ABLIM2: variants seen among roughly 807,000 people sequenced by gnomAD.
The protein encoded by ABLIM2 is actin-binding LIM protein 2.
ABLIM2 carries 53 observed loss-of-function variants against 97.7 expected under a neutral mutation model. The ratio of observed to expected loss-of-function variants is 0.54; its 90% CI spans 0.44 to 0.68. The LOEUF is 0.68. ABLIM2 is among the 30% of genes least tolerant of loss of function. The probability of loss-of-function intolerance (pLI) is 0.00; values close to 1 mark genes in which losing one functional copy is unlikely to be tolerated. For synonymous variants in ABLIM2, 361 were observed against 345.8 expected, an observed-to-expected ratio of 1.04 and a Z score of -0.49; for missense variants, 835 against 867.2, an observed-to-expected ratio of 0.96 and a Z score of 0.47.
chr4:8,109,677 C>T (rs1839346625), intron 1 of ABLIM2, among the ~76,000 whole-genome samples: 1 of 152,182 alleles, frequency 6.6e-6, no homozygotes, highest in Non-Finnish European at 1.5e-5. Flanking sequence ...GCCAGGGGTT[C>T]CAAACAGACC....
chr4:8,055,636 C>G (rs7441590), intron 7 of ABLIM2, among the ~76,000 whole-genome samples: 110,627 of 152,092 alleles, frequency 0.73, 40,882 homozygotes, highest in East Asian at 0.99. Context: ...AGTGTGTGTG[C>G]AATGAGGGAA....
intron 1 of ABLIM2, among the ~76,000 whole-genome samples, chr4:8,108,831 T>A (rs998405553): frequency 6.6e-6 from 1 of 152,210 alleles, no homozygotes; most frequent in Non-Finnish European, 1.5e-5. Flanking sequence ...TGTCCTCACG[T>A]CTTCCTTTAT....
chr4:8,050,390 C>A (rs1795200953), intron 8 of ABLIM2, among the ~76,000 whole-genome samples: 1 of 152,210 alleles, frequency 6.6e-6, no homozygotes, highest in South Asian at 2.1e-4. Flanking sequence ...CTCCCTCCTC[C>A]CTACTGCAAC....
chr4:8,059,747 C>CA (rs996674398), intron 7 of ABLIM2, among the ~76,000 whole-genome samples: 55 of 150,540 alleles, frequency 3.7e-4, no homozygotes, highest in East Asian at 1.4e-3. Flanking sequence ...ACTAAAAATA[C>CA]AAAAAAAAAT....
Position 8,077,554 on chromosome 4 carries a change from T to A in ABLIM2, c.675+74A>T, listed in dbSNP as rs940386322. 8.1e-6 allele frequency: 11 copies of A among 1,361,286 alleles called. No individual in the cohort carries two copies. In the African/African-American group the frequency reaches 1.6e-4, roughly 20 times the overall value. 84.3% of individuals were successfully genotyped at this position (1,361,286 alleles called of 1,614,324 possible). ...AGATTCTTGCACAAACACACACAAA[T>A]CTCCCAGTCAACTCCCAGGGGGGCA... On this transcript the variant is annotated intron_variant, in intron 6 of 20. Coordinates refer to ENST00000447017, the MANE Select transcript of ABLIM2 (RefSeq NM_001130083.2).
rs1041244210 is a variant in ABLIM2, at chr4:8,125,361, T to C, written c.11-18724A>G. On this transcript the variant is annotated intron_variant, in intron 1 of 20. Coordinates refer to ENST00000447017, the MANE Select transcript of ABLIM2 (RefSeq NM_001130083.2). This position sits in a 1 kb window ranked among gnomAD's most constrained non-coding sequence, Gnocchi z 6.2. ...CGGGTTTTTTGGTTTTACTGTAATT[T>C]TACATGAATAATTTTACACAAATAG... Among the ~76,000 whole-genome samples, 1 of 152,252 alleles carries C rather than the reference T, an allele frequency of 6.6e-6. No individual in the cohort carries two copies. Among genetic ancestry groups the C allele is most frequent in the African/African-American group, 2.4e-5 (1 of 41,462 alleles).
At position 7,986,666 on chromosome 4, in the gene ABLIM2, C is replaced by G. The variant is rs1389602579; in HGVS notation, c.1681-1773G>C. Among the ~76,000 whole-genome samples the G allele has an allele frequency of 6.6e-6, 1 of 152,090 alleles. No homozygotes were observed. The highest frequency in any genetic ancestry group is 1.5e-5 in the Non-Finnish European group (1 of 68,012). On this transcript the variant is annotated intron_variant, in intron 17 of 20. Coordinates refer to ENST00000447017, the MANE Select transcript of ABLIM2 (RefSeq NM_001130083.2). The surrounding 1 kb of genome is among the most constrained non-coding windows in gnomAD (Gnocchi z 4.3). ...AATAATTCTTGCCTTCAGGGGTATT[C>G]ACAAAGAATTTCTTTTTTTTCTTTG...
At chr4:7,982,541 A>T (rs1739536158) in intron 20 of ABLIM2, among the ~76,000 whole-genome samples, 1 of 152,230 alleles carries the variant, frequency 6.6e-6, no homozygotes, top group African/African-American at 2.4e-5. Context: ...GATCGTATTC[A>T]AACACCTATT....
rs1750046047 is a variant in ABLIM2 at position 7,992,898 on chromosome 4, G to A, written c.1648C>T (p.Pro550Ser). Residue 550 changes from proline (P) to serine (S), a missense_variant, in exon 17 of 21, where the codon CCA (proline) becomes TCA (serine). By Grantham distance (74) the Pro-to-Ser change is moderately conservative. Coordinates refer to ENST00000447017, the MANE Select transcript of ABLIM2 (RefSeq NM_001130083.2). The surrounding 1 kb of genome is among the most constrained non-coding windows in gnomAD (Gnocchi z 5.7). ...RFPYSKSDPL[P>S]GHGKNGLDQR... The stretch of plus-strand genomic sequence containing the variant: ...TCCAAGCCATTCTTTCCATGTCCTG[G>A]GAGAGGGTCAGATTTGGAATAGGGG... The A allele has an allele frequency of 1.2e-6, 2 of 1,613,254 alleles. No individual in the cohort carries two copies. The highest frequency in any genetic ancestry group is 2.2e-5 in the East Asian group (1 of 44,884).
intron 20 of ABLIM2, among the ~76,000 whole-genome samples, chr4:7,976,420 T>C (rs1733091126): frequency 6.6e-6 from 1 of 152,194 alleles, no homozygotes; most frequent in African/African-American, 2.4e-5. Context: ...GGCTTCACCA[T>C]GTAGCCACAG....
intron 10 of ABLIM2, among the ~76,000 whole-genome samples, chr4:8,034,494 G>GTGA (rs2151374335): frequency 2.0e-5 from 2 of 98,826 alleles, no homozygotes; most frequent in Admixed American, 1.1e-4. Flanking sequence ...GTGCAGGTGG[G>GTGA]TGGGTGGTAG....
chr4:8,036,140 G>T lies in ABLIM2; in HGVS notation c.1047+9C>A, dbSNP rs534009379. 2 of 1,613,520 alleles carry T rather than the reference G, an allele frequency of 1.2e-6. No individual in the cohort carries two copies. Among genetic ancestry groups the T allele is most frequent in the Non-Finnish European group, 1.7e-6 (2 of 1,179,632 alleles). On this transcript the variant is annotated intron_variant, in intron 10 of 20. Transcript: ENST00000447017. ...CAGGTGTCCAGGGCCATGTGGGCAG[G>T]GTCCATACCTCGCCGTAGCTCTGCC...
Position 8,069,301 on chromosome 4 carries a change from G to C in ABLIM2, c.676-8247C>G, listed in dbSNP as rs544600321. Among the ~76,000 whole-genome samples, 4 of 152,258 alleles carry C rather than the reference G, an allele frequency of 2.6e-5. No individual in the cohort carries two copies. The highest frequency in any genetic ancestry group is 4.8e-5 in the African/African-American group (2 of 41,476). On this transcript the variant is annotated intron_variant, in intron 6 of 20. Transcript: ENST00000447017. The surrounding 1 kb of genome is among the most constrained non-coding windows in gnomAD (Gnocchi z 4.2). The stretch of plus-strand genomic sequence containing the variant: ...CGGTGCCCAGGAGGCCAGCCTGAGC[G>C]GCCCTAGAGGACCAGAGAACTTGAC...
rs1403726636 is a variant in ABLIM2 at position 8,072,364 on chromosome 4, G to A, written c.675+5264C>T. On this transcript the variant is annotated intron_variant, in intron 6 of 20. Transcript: ENST00000447017. This position sits in a 1 kb window ranked among gnomAD's most constrained non-coding sequence, Gnocchi z 5.8. ...ACCCACTTTGCTCGCCCAGTGCGGA[G>A]CGTGCCTGAGGCAGAGCAGCCCCAG... Among the ~76,000 whole-genome samples, 5 of 152,330 alleles carry A rather than the reference G, an allele frequency of 3.3e-5. No homozygotes were observed. The East Asian group carries it at 7.7e-4, about 24-fold the overall frequency.
chr4:8,140,966 G>A lies in ABLIM2; in HGVS notation c.10+17714C>T, dbSNP rs1850886320. Among the ~76,000 whole-genome samples the A allele has an allele frequency of 6.6e-6, 1 of 152,126 alleles. No homozygotes were observed. The highest frequency in any genetic ancestry group is 6.5e-5 in the Admixed American group (1 of 15,270). ...TCCACGGTAAAGCCTGCAGCTGTGGGCTGGTCTCCAAGGCCACTGAACCTG... is the reference window on the plus strand; with the variant it reads ...TCCACGGTAAAGCCTGCAGCTGTGGACTGGTCTCCAAGGCCACTGAACCTG... On this transcript the variant is annotated intron_variant, in intron 1 of 20. Transcript: ENST00000447017. This position sits in a 1 kb window ranked among gnomAD's most constrained non-coding sequence, Gnocchi z 5.9.
At chr4:7,974,290 C>T (rs1730776966) in intron 20 of ABLIM2, among the ~76,000 whole-genome samples, 1 of 150,256 alleles carries the variant, frequency 6.7e-6, no homozygotes, top group South Asian at 2.1e-4. Flanking sequence ...CACCTGCCCA[C>T]CTACCCATCC....
chr4:8,069,820 T>C lies in ABLIM2; in HGVS notation c.675+7808A>G. Among the ~76,000 whole-genome samples, 1 of 152,140 alleles carries C rather than the reference T, an allele frequency of 6.6e-6. No homozygotes were observed. Among genetic ancestry groups the C allele is most frequent in the East Asian group, 1.9e-4 (1 of 5,192 alleles). ...TGCTTGTGTGTCTCTATGTGTTGTC[T>C]GTGTGTACGTGTCTGTGGGTGCCGT... On this transcript the variant is annotated intron_variant, in intron 6 of 20. Coordinates refer to ENST00000447017, the MANE Select transcript of ABLIM2 (RefSeq NM_001130083.2). The surrounding 1 kb of genome is among the most constrained non-coding windows in gnomAD (Gnocchi z 4.2).
At chr4:8,025,809 CG>C (rs1450349268) in intron 12 of ABLIM2, among the ~76,000 whole-genome samples, 1 of 152,096 alleles carries the variant, frequency 6.6e-6, no homozygotes, top group African/African-American at 2.4e-5. Context: ...GGAGGAGAGC[CG>C]GGTGTCCAGG....
intron 20 of ABLIM2, among the ~76,000 whole-genome samples, chr4:7,977,716 A>G (rs1190433809): frequency 3.3e-5 from 5 of 151,966 alleles, no homozygotes; most frequent in Non-Finnish European, 5.9e-5. Context: ...GCTTGAACCC[A>G]GGAGGTGGAG....
Sources: allele counts gnomAD v4.1 joint callset (sites outside exome capture counted in the v4.1 genomes callset), GRCh38; gene constraint gnomAD v4.1.1; non-coding constraint Gnocchi (gnomAD v3.1); transcripts MANE v1.5; gene names NCBI Gene and HGNC (gene_info 2026-07-23, HGNC 2026-07-21).